The following EFL1 variants were observed in gnomAD, a reference collection of about 807,000 sequenced individuals.
The protein encoded by EFL1 is elongation factor like GTPase 1.
In EFL1, 76 loss-of-function variants were observed where a neutral mutation model predicts 126.7. The ratio of observed to expected loss-of-function variants is 0.60; its 90% confidence interval spans 0.50 to 0.73. EFL1 has a LOEUF of 0.73. Among genes scored for constraint, EFL1 ranks in the 30% least tolerant of loss-of-function variants. EFL1 has a pLI of 0.00. For synonymous variants in EFL1, 410 were observed against 448.4 expected (o/e 0.91, Z 1.08); for missense variants, 1,128 against 1,343.2 (o/e 0.84, Z 2.50).
intron 15 of EFL1, 102 bp from the exon 16 acceptor site, chr15:82,164,086 A>G: frequency 7.0e-7 from 1 of 1,418,572 alleles, no homozygotes; most frequent in Non-Finnish European, 9.4e-7. Flanking sequence ...CACAGAGCCA[A>G]ATGCTTCCAA....
chr15:82,214,245 G>A lies in EFL1; in HGVS notation c.1750+472C>T, dbSNP rs113568751. On this transcript the variant is annotated intron_variant, in intron 15 of 19. Coordinates refer to ENST00000268206, the MANE Select transcript of EFL1 (RefSeq NM_024580.6). The stretch of plus-strand genomic sequence containing the variant: ...AAACAAGTGATAACATTAAGGAGAT[G>A]AAGAGTAATATTTACAGATATAAAC... Among the ~76,000 whole-genome samples, 106 of 152,188 alleles carry A rather than the reference G, an allele frequency of 7.0e-4. 2 individuals carry two copies. Among genetic ancestry groups the A allele is most frequent in the Non-Finnish European group, 2.2e-4 (15 of 68,034 alleles).
In EFL1 at chr15:82,152,268, G is replaced by C; in HGVS notation, c.2186C>G (p.Pro729Arg). 1 of 1,614,154 alleles carries C rather than the reference G, an allele frequency of 6.2e-7. No homozygotes were observed. The highest frequency in any genetic ancestry group is 8.5e-7 in the Non-Finnish European group (1 of 1,180,028). Reference protein sequence around the residue: ...HQMKEDQSKIPEGIQVDSDGL... With the variant: ...HQMKEDQSKIREGIQVDSDGL... ...GTCAGAGTCAACTTGGATTCCTTCA[G>C]GGATTTTGCTTTGATCTTCTTTCAT... The change falls in exon 18 of 20, where the codon CCT becomes CGT. Residue 729 changes from proline to arginine, a missense_variant. Around this residue, in one of 6 missense-constraint regions of EFL1, gnomAD observed 561 missense variants for 641.7 expected, o/e 0.87. Transcript: ENST00000268206.
At chr15:82,170,332 T>C (rs906945286) in intron 15 of EFL1, among the ~76,000 whole-genome samples, 2 of 151,818 alleles carry the variant, frequency 1.3e-5, no homozygotes, top group Non-Finnish European at 2.9e-5. Flanking sequence ...GCCAGGATGG[T>C]CTCGATCTCC....
At chr15:82,238,732 G>A (rs2074900162) in intron 6 of EFL1, among the ~76,000 whole-genome samples, 1 of 152,068 alleles carries the variant, frequency 6.6e-6, no homozygotes, top group Non-Finnish European at 1.5e-5. Context: ...TAAGGTTTTT[G>A]GAAGGTTATT....
chr15:82,233,569 G>A (rs1189904385), intron 7 of EFL1: 2 of 152,090 alleles, frequency 1.3e-5, no homozygotes, highest in South Asian at 2.1e-4. Context: ...TATTACAAAG[G>A]GCTTTTCATT....
At chr15:82,223,767 A>T (rs1400360291) in intron 12 of EFL1, among the ~76,000 whole-genome samples, 1 of 152,232 alleles carries the variant, frequency 6.6e-6, no homozygotes, top group Admixed American at 6.5e-5. Context: ...GGAGTAGCCT[A>T]GATACATAAT....
chr15:82,207,445 G>C (rs1412591529), intron 15 of EFL1, among the ~76,000 whole-genome samples: 1 of 151,720 alleles, frequency 6.6e-6, no homozygotes, highest in African/African-American at 2.4e-5. Flanking sequence ...ACGAAGGCAG[G>C]GAAAGCTATA....
chr15:82,188,419 A>G (rs1172766603), intron 15 of EFL1, among the ~76,000 whole-genome samples: 1 of 152,008 alleles, frequency 6.6e-6, no homozygotes, highest in Non-Finnish European at 1.5e-5. Context: ...ATTCCTTTCT[A>G]GAAATCTTCA....
intron 18 of EFL1, 77 bp downstream of exon 18, chr15:82,151,388 A>C: frequency 2.1e-6 from 3 of 1,417,370 alleles, no homozygotes; most frequent in Non-Finnish European, 2.9e-6. Context: ...ACCCTGTCTC[A>C]AAAACAAGAT....
At chr15:82,205,071 T>C (rs969599420) in intron 15 of EFL1, among the ~76,000 whole-genome samples, 3 of 152,216 alleles carry the variant, frequency 2.0e-5, no homozygotes, top group Non-Finnish European at 2.9e-5. Context: ...GACTGTCCCC[T>C]CTTTCCCAAC....
rs1019880171 is a variant in EFL1 at position 82,138,566 on chromosome 15, A to G, written c.3174+92T>C. 1.7e-5 allele frequency: 25 copies of G among 1,460,260 alleles called. No homozygotes were observed. In the Admixed American group the frequency reaches 4.5e-4, roughly 26 times the overall value. The allele number at this position is 1,460,260 out of a possible 1,614,324, so 90.5% of individuals were successfully genotyped here. On this transcript the variant is annotated intron_variant, in intron 19 of 19. Coordinates refer to ENST00000268206, the MANE Select transcript of EFL1 (RefSeq NM_024580.6). ...TTGAGCCATAGGAAGGCCAAATGGC[A>G]TGATCTGTGTTGTTTGCTACTCTTG...
chr15:82,150,150 T>C (rs534289499), intron 18 of EFL1, among the ~76,000 whole-genome samples: 11 of 152,300 alleles, frequency 7.2e-5, no homozygotes, highest in African/African-American at 1.2e-4. Context: ...TGATTCACAA[T>C]GCATACTGGC....
Position 82,261,789 on chromosome 15 carries a change from T to C in EFL1, c.-11A>G. The C allele has an allele frequency of 1.2e-6, 2 of 1,611,026 alleles. No homozygotes were observed. On this transcript the variant is annotated 5_prime_UTR_variant, in exon 2 of 20. Coordinates refer to ENST00000268206, the MANE Select transcript of EFL1 (RefSeq NM_024580.6). ...ACTGTTGAGCACCATGATTACTTAT[T>C]TCCTGTGACTAAAAATTAAATATGT...
intron 19 of EFL1, among the ~76,000 whole-genome samples, chr15:82,136,640 T>C (rs2141210726): frequency 6.6e-6 from 1 of 152,336 alleles, no homozygotes; most frequent in South Asian, 2.1e-4. Flanking sequence ...AGTTCTATTT[T>C]TCAGGCACTG....
chr15:82,191,239 T>C (rs1250421680), intron 15 of EFL1, among the ~76,000 whole-genome samples: 10 of 152,224 alleles, frequency 6.6e-5, no homozygotes, highest in African/African-American at 1.7e-4. Context: ...CACCCTGAAA[T>C]CTTTGGGGCT....
In EFL1 at chr15:82,229,047, C is replaced by T. The variant is rs1325805986; in HGVS notation, c.919G>A (p.Ala307Thr). The T allele has an allele frequency of 6.2e-7, 1 of 1,611,726 alleles. No individual in the cohort carries two copies. Among genetic ancestry groups the T allele is most frequent in the African/African-American group, 1.3e-5 (1 of 74,872 alleles). ...TAAGAGTCTTACTTTTTCAAAACAGCATCATACAAACTCCATATATTTTCC... is the reference window on the plus strand; with the variant it reads ...TAAGAGTCTTACTTTTTCAAAACAGTATCATACAAACTCCATATATTTTCC... Reference protein sequence around the residue: ...ILENIWSLYDAVLKKDKDKID... With the variant: ...ILENIWSLYDTVLKKDKDKID... The change falls in exon 9 of 20, where the codon GCT becomes ACT. Residue 307 changes from alanine to threonine, a missense_variant. By Grantham distance (58) the Ala-to-Thr change is moderately conservative (BLOSUM62 0). This residue lies in a region of EFL1 where 316 missense variants were observed against 318.5 expected (regional missense o/e 0.99). Coordinates refer to ENST00000268206, the MANE Select transcript of EFL1 (RefSeq NM_024580.6).
chr15:82,245,515 T>C (rs1409503109), intron 4 of EFL1, among the ~76,000 whole-genome samples: 1 of 152,116 alleles, frequency 6.6e-6, no homozygotes, highest in Non-Finnish European at 1.5e-5. Flanking sequence ...ATAAATCAAC[T>C]AATACGACTT....
intron 15 of EFL1, among the ~76,000 whole-genome samples, chr15:82,177,860 G>A (rs746654383): frequency 2.0e-5 from 3 of 152,140 alleles, no homozygotes; most frequent in East Asian, 1.9e-4. Flanking sequence ...CTTTGGCTCT[G>A]AGAAAACCAG....
At chr15:82,207,211 A>T (rs1033547163) in intron 15 of EFL1, among the ~76,000 whole-genome samples, 1 of 151,440 alleles carries the variant, frequency 6.6e-6, no homozygotes. Context: ...TAAACAGAAA[A>T]AGGAGGATAC....
Sources: allele counts gnomAD v4.1 joint callset (sites outside exome capture counted in the v4.1 genomes callset), GRCh38; gene constraint gnomAD v4.1.1; regional missense constraint gnomAD v4.1.1; transcripts MANE v1.5; gene names NCBI Gene and HGNC (gene_info 2026-07-23, HGNC 2026-07-21).